CHRNA3: variants seen among roughly 807,000 people sequenced by gnomAD.
The protein encoded by CHRNA3 is cholinergic receptor nicotinic alpha 3 subunit.
Under a neutral mutation model 41.9 loss-of-function variants are expected in CHRNA3, and 34 were observed. The observed-to-expected ratio is 0.81, with a 90% CI of 0.62 to 1.08. The LOEUF (loss-of-function observed/expected upper bound fraction) is 1.08. Ranked by LOEUF, CHRNA3 falls within the 50% of genes least tolerant of loss-of-function variation. CHRNA3 has a pLI of 0.00. For missense variants in CHRNA3, 542 were observed against 638.3 expected (o/e 0.85, Z 1.63); for synonymous variants, 281 against 265.2 (o/e 1.06, Z -0.58).
intron 4 of CHRNA3, among the ~76,000 whole-genome samples, chr15:78,615,739 ATTTTTT>A (rs532401932): frequency 4.9e-5 from 5 of 101,874 alleles, no homozygotes; most frequent in Non-Finnish European, 9.1e-5. Flanking sequence ...AGGCACCTGT[ATTTTTT>A]TTTTTTTTTT....
rs2053193063 is a variant in CHRNA3 at position 78,601,308 on chromosome 15, A to C, written c.1334T>G (p.Ile445Ser). The change falls in exon 5 of 6, where the codon ATC (isoleucine) becomes AGC (serine). Residue 445 changes from isoleucine to serine, a missense_variant. Physicochemically the swap from Ile to Ser is moderately radical, Grantham distance 142. Coordinates refer to ENST00000326828, the MANE Select transcript of CHRNA3 (RefSeq NM_000743.5). Reference sequence around the variant, plus strand: ...TTCAGCAATATACTTGACACTTTGGATGGCTTCTTTGATTTCTGGTGACAA... The same window carrying C: ...TTCAGCAATATACTTGACACTTTGGCTGGCTTCTTTGATTTCTGGTGACAA... ...SALSPEIKEAIQSVKYIAENM... is the reference protein window; with the variant it reads ...SALSPEIKEASQSVKYIAENM... 1 of 1,614,032 alleles carries C rather than the reference A, an allele frequency of 6.2e-7. No homozygotes were observed. Among genetic ancestry groups the C allele is most frequent in the Non-Finnish European group, 8.5e-7 (1 of 1,180,042 alleles).
At chr15:78,618,341 C>T in intron 3 of CHRNA3, 1 of 456,842 alleles carries the variant, frequency 2.2e-6, no homozygotes, top group Non-Finnish European at 4.0e-6. Context: ...CAGGTTCGTA[C>T]TCTTCTGTTG....
intron 4 of CHRNA3, among the ~76,000 whole-genome samples, chr15:78,605,070 G>C (rs1382465438): frequency 2.0e-5 from 3 of 152,088 alleles, no homozygotes; most frequent in Non-Finnish European, 1.5e-5. Flanking sequence ...TTGGTGGGAA[G>C]GGTCTGAGCA....
rs1402593925 is a variant in CHRNA3 at position 78,616,358 on chromosome 15, CCA to C, written c.377+664_377+665del. On this transcript the variant is annotated intron_variant, in intron 4 of 5. Coordinates refer to ENST00000326828, the MANE Select transcript of CHRNA3 (RefSeq NM_000743.5). ...ACAGTAAGACTCAGTCTTCCCCCCC[CCA>C]CCCCCCCAAAAAAAAAGCTCCTTGG... is the stretch of plus-strand genomic sequence containing the variant. Among the ~76,000 whole-genome samples, 102 of 124,228 alleles carry C rather than the reference CCA, an allele frequency of 8.2e-4. 1 individual carries two copies. Among genetic ancestry groups the C allele is most frequent in the African/African-American group, 3.0e-3 (98 of 33,052 alleles). The allele number at this position is 124,228 out of a possible 152,430, so 81.5% of individuals were successfully genotyped here. A position where few individuals can be genotyped will look rare whatever the true frequency, so the allele number is the denominator to read the frequency against.
chr15:78,602,280 G>A lies in CHRNA3; in HGVS notation c.378-16C>T. The A allele has an allele frequency of 6.2e-7, 1 of 1,609,116 alleles. No individual in the cohort carries two copies. Among genetic ancestry groups the A allele is most frequent in the Non-Finnish European group, 8.5e-7 (1 of 1,176,890 alleles). ...CCCAACAGCACTGCAAAGACAAAGA[G>A]GGGGCACAGTGACACACGGTCATTA... is the stretch of plus-strand genomic sequence containing the variant. On this transcript the variant is annotated splice_polypyrimidine_tract_variant and intron_variant, in intron 4 of 5. Transcript: ENST00000326828.
intron 1 of CHRNA3, chr15:78,620,399 A>AGGGCGACGGGCAGCGCGGGGG: frequency 1.3e-5 from 3 of 223,416 alleles, no homozygotes; most frequent in Non-Finnish European, 2.7e-5. Context: ...CAGCGCGGGG[A>AGGGCGACGGGCAGCGCGGGGG]CGCGAATCCC....
In CHRNA3 at chr15:78,601,674, A is replaced by G; in HGVS notation, c.968T>C (p.Val323Ala). Residue 323 changes from valine to alanine, a missense_variant, in exon 5 of 6, where the codon GTC (valine) becomes GCC (alanine). By Grantham distance (64) the Val-to-Ala change is moderately conservative (BLOSUM62 0). Coordinates refer to ENST00000326828, the MANE Select transcript of CHRNA3 (RefSeq NM_000743.5). ...TCTGTAGTGCACGTTGAGCACGAAG[A>G]CGGTGATGACGATGGACAAGGTTAC... ...IFVTLSIVIT[V>A]FVLNVHYRTP... 6.2e-7 allele frequency: 1 copy of G among 1,614,128 alleles called. No homozygotes were observed. Among genetic ancestry groups the G allele is most frequent in the Non-Finnish European group, 8.5e-7 (1 of 1,180,030 alleles).
chr15:78,597,235 A>G (rs1445816467), intron 5 of CHRNA3, among the ~76,000 whole-genome samples: 2 of 152,164 alleles, frequency 1.3e-5, no homozygotes, highest in Non-Finnish European at 2.9e-5. Context: ...CCTGGCCAAC[A>G]TGGTGAAACC....
At chr15:78,609,092 C>T (rs1448109070) in intron 4 of CHRNA3, among the ~76,000 whole-genome samples, 1 of 152,198 alleles carries the variant, frequency 6.6e-6, no homozygotes, top group African/African-American at 2.4e-5. Context: ...AAGACCAAAT[C>T]TACATCTGAT....
intron 5 of CHRNA3, among the ~76,000 whole-genome samples, chr15:78,598,272 A>G (rs1376150080): frequency 6.6e-6 from 1 of 152,224 alleles, no homozygotes; most frequent in Non-Finnish European, 1.5e-5. Flanking sequence ...AATAGAGCCT[A>G]GTGATACTAA....
Position 78,596,186 on chromosome 15 carries a change from G to A in CHRNA3, c.*418C>T, listed in dbSNP as rs199612677. The A allele has an allele frequency of 1.4e-5, 14 of 984,976 alleles. No homozygotes were observed. Among genetic ancestry groups the A allele is most frequent in the Non-Finnish European group, 1.7e-5 (14 of 830,458 alleles). The allele number at this position is 984,976 out of a possible 1,614,324, so 61.0% of individuals were successfully genotyped here. A position where few individuals can be genotyped will look rare whatever the true frequency, so the allele number is the denominator to read the frequency against. ...GTAACGATGGGGGATTGCTGAATTAGTATAAACCTTCAAAGAGATTATGGG... is the reference window on the plus strand; with the variant it reads ...GTAACGATGGGGGATTGCTGAATTAATATAAACCTTCAAAGAGATTATGGG... On this transcript the variant is annotated 3_prime_UTR_variant, in exon 6 of 6. Transcript: ENST00000326828.
At chr15:78,620,401 G>GGGCAGCGCGGGGACC in intron 1 of CHRNA3, 1 of 380,168 alleles carries the variant, frequency 2.6e-6, no homozygotes, top group Non-Finnish European at 4.6e-6. Context: ...GCGCGGGGAC[G>GGGCAGCGCGGGGACC]CGAATCCCCA....
chr15:78,604,674 A>G (rs867591407), intron 4 of CHRNA3, among the ~76,000 whole-genome samples: 1 of 152,198 alleles, frequency 6.6e-6, no homozygotes, highest in South Asian at 2.1e-4. Flanking sequence ...CACCAGCCTC[A>G]TAAAGGGCAC....
chr15:78,617,150 G>A lies in CHRNA3; in HGVS notation c.268-17C>T. ...ATTCCAGATCTCGGGGAAGGAAGCAGGGAGGGAGAAGGAGACGGTAAAAGA... is the reference window on the plus strand; with the variant it reads ...ATTCCAGATCTCGGGGAAGGAAGCAAGGAGGGAGAAGGAGACGGTAAAAGA... On this transcript the variant is annotated splice_polypyrimidine_tract_variant and intron_variant, in intron 3 of 5. Coordinates refer to ENST00000326828, the MANE Select transcript of CHRNA3 (RefSeq NM_000743.5). 6 of 1,543,596 alleles carry A rather than the reference G, an allele frequency of 3.9e-6. No individual in the cohort carries two copies. The highest frequency in any genetic ancestry group is 5.4e-6 in the Non-Finnish European group (6 of 1,117,192).
chr15:78,593,495 T>A, downstream of CHRNA3: 1 of 288,080 alleles, frequency 3.5e-6, no homozygotes, highest in East Asian at 6.5e-5. Context: ...ACTGGACTAG[T>A]GAAAAATCTA....
intron 1 of CHRNA3, chr15:78,620,400 C>CGGGCAGCGCGGGGAT: frequency 1.3e-5 from 3 of 225,548 alleles, no homozygotes; most frequent in Non-Finnish European, 1.8e-5. Context: ...AGCGCGGGGA[C>CGGGCAGCGCGGGGAT]GCGAATCCCC....
At chr15:78,611,096 A>T (rs1260785376) in intron 4 of CHRNA3, among the ~76,000 whole-genome samples, 1 of 152,212 alleles carries the variant, frequency 6.6e-6, no homozygotes, top group African/African-American at 2.4e-5. Flanking sequence ...ACCAACCAAA[A>T]AAAGTCCAGG....
Position 78,620,868 on chromosome 15 carries a change from C to T in CHRNA3, c.-74G>A, listed in dbSNP as rs1409205279. 1.5e-5 allele frequency: 20 copies of T among 1,316,588 alleles called. No individual in the cohort carries two copies. In the Admixed American group the frequency reaches 7.2e-4, roughly 48 times the overall value. The allele number at this position is 1,316,588 out of a possible 1,614,324, so 81.6% of individuals were successfully genotyped here. ...GGCGGTCGCAGAGACGGCCTCTCCC[C>T]GCGCGGCTCCAGCGCAGACCCCAGA... On this transcript the variant is annotated 5_prime_UTR_variant, in exon 1 of 6. Coordinates refer to ENST00000326828, the MANE Select transcript of CHRNA3 (RefSeq NM_000743.5).
At chr15:78,598,210 G>C (rs1310293277) in intron 5 of CHRNA3, among the ~76,000 whole-genome samples, 4 of 152,124 alleles carry the variant, frequency 2.6e-5, no homozygotes, top group African/African-American at 9.7e-5. Context: ...GTAAAATGGG[G>C]ATAAGAACAG....
Sources: allele counts gnomAD v4.1 joint callset (sites outside exome capture counted in the v4.1 genomes callset), GRCh38; gene constraint gnomAD v4.1.1; transcripts MANE v1.5; gene names NCBI Gene and HGNC (gene_info 2026-07-23, HGNC 2026-07-21).